LDB2: variants seen among roughly 807,000 people sequenced by gnomAD.
LDB2 encodes LIM domain binding 2.
Under a neutral mutation model 44.3 loss-of-function variants are expected in LDB2, and 12 were observed. That is an observed-to-expected ratio of 0.27 (90% CI 0.17 to 0.44). The LOEUF is 0.44. LDB2 is among the 20% of genes least tolerant of loss of function. The pLI is 1.00. For synonymous variants in LDB2, 164 were observed against 174.8 expected, an observed-to-expected ratio of 0.94 and a Z score of 0.49; for missense variants, 344 against 473.5, an observed-to-expected ratio of 0.73 and a Z score of 2.54.
intron 2 of LDB2, among the ~76,000 whole-genome samples, chr4:16,716,969 T>G (rs1757184219): frequency 6.6e-6 from 1 of 152,068 alleles, no homozygotes. Flanking sequence ...GGGATTTAAT[T>G]TAAAATTAAT....
intron 1 of LDB2, among the ~76,000 whole-genome samples, chr4:16,838,869 A>G (rs1028928451): frequency 6.6e-6 from 1 of 152,250 alleles, no homozygotes; most frequent in African/African-American, 2.4e-5. Flanking sequence ...AGGCATAGTC[A>G]TATCAGTGAC....
At chr4:16,566,369 A>G (rs1744523771) in intron 5 of LDB2, among the ~76,000 whole-genome samples, 1 of 152,180 alleles carries the variant, frequency 6.6e-6, no homozygotes, top group Non-Finnish European at 1.5e-5. Flanking sequence ...ATTGGAATAC[A>G]GAAATGGGCT....
intron 2 of LDB2, among the ~76,000 whole-genome samples, chr4:16,753,342 C>T (rs1311800222): frequency 6.6e-6 from 1 of 152,126 alleles, no homozygotes; most frequent in Non-Finnish European, 1.5e-5. Flanking sequence ...CTACTTGGGC[C>T]CCTTGCAGAA....
intron 2 of LDB2, among the ~76,000 whole-genome samples, chr4:16,644,669 A>C (rs1736191959): frequency 6.6e-6 from 1 of 152,180 alleles, no homozygotes. Flanking sequence ...ACCTCAAGTC[A>C]TCCACCTGCC....
At chr4:16,595,559 C>G in intron 3 of LDB2, 144 bp downstream of exon 3, 1 of 677,038 alleles carries the variant, frequency 1.5e-6, no homozygotes, top group Non-Finnish European at 2.5e-6. Context: ...AGCCATGTCA[C>G]AAACAAGAAA....
At chr4:16,642,188 T>A (rs566767438) in intron 2 of LDB2, among the ~76,000 whole-genome samples, 1 of 152,296 alleles carries the variant, frequency 6.6e-6, no homozygotes, top group African/African-American at 2.4e-5. Flanking sequence ...GGGAAATTCA[T>A]AGCAGTCCTA....
chr4:16,575,795 C>G, intron 5 of LDB2, among the ~76,000 whole-genome samples: 1 of 152,292 alleles, frequency 6.6e-6, no homozygotes, highest in Middle Eastern at 3.4e-3. Flanking sequence ...TGGAATGCAG[C>G]GGCACAATCT....
chr4:16,712,397 T>A (rs283034), intron 2 of LDB2, among the ~76,000 whole-genome samples: 1 of 151,580 alleles, frequency 6.6e-6, no homozygotes, highest in Non-Finnish European at 1.5e-5. Context: ...ACTAAAAATT[T>A]GAAAATTAGC....
chr4:16,504,847 G>A (rs1056327702), intron 7 of LDB2, among the ~76,000 whole-genome samples: 1 of 152,210 alleles, frequency 6.6e-6, no homozygotes, highest in African/African-American at 2.4e-5. Context: ...GTTGTACAGA[G>A]CATGACCTGA....
chr4:16,672,693 A>T (rs1745117150), intron 2 of LDB2, among the ~76,000 whole-genome samples: 2 of 151,822 alleles, frequency 1.3e-5, no homozygotes, highest in South Asian at 4.1e-4. Flanking sequence ...GGGCCTGCGG[A>T]TCTCTAATTA....
intron 1 of LDB2, among the ~76,000 whole-genome samples, chr4:16,894,850 G>A (rs1006226374): frequency 6.6e-6 from 1 of 152,004 alleles, no homozygotes; most frequent in Non-Finnish European, 1.5e-5. Context: ...TGCTTTAAGT[G>A]CTAGCTTTAA....
intron 1 of LDB2, among the ~76,000 whole-genome samples, chr4:16,840,865 A>G (rs73799301): frequency 0.012 from 1,887 of 152,302 alleles, 41 homozygotes; most frequent in African/African-American, 0.042. Flanking sequence ...TGCCTGCAGT[A>G]ACAGGGGTGA....
chr4:16,552,284 C>T (rs1317740238), intron 5 of LDB2, among the ~76,000 whole-genome samples: 2 of 152,090 alleles, frequency 1.3e-5, no homozygotes, highest in Non-Finnish European at 2.9e-5. Context: ...GGAGTGTGTA[C>T]AAAGCATTAA....
chr4:16,715,043 G>A (rs1449820194), intron 2 of LDB2, among the ~76,000 whole-genome samples: 1 of 152,180 alleles, frequency 6.6e-6, no homozygotes, highest in Non-Finnish European at 1.5e-5. Flanking sequence ...CTAATATTTA[G>A]TGAGATGTCA....
chr4:16,810,309 T>G (rs1478292673), intron 1 of LDB2, among the ~76,000 whole-genome samples: 1 of 152,182 alleles, frequency 6.6e-6, no homozygotes, highest in Non-Finnish European at 1.5e-5. Flanking sequence ...AAAATCATCC[T>G]ACCCACGGGG....
rs2152429805 is a variant in LDB2 at position 16,588,809 on chromosome 4, G to T, written c.432C>A (p.Ile144=). Reference sequence around the variant, plus strand: ...TGAGATCATCAAAGGTGAACTCCAAGATCAGTCTGCCTTCTGTACATACCT... The same window carrying T: ...TGAGATCATCAAAGGTGAACTCCAATATCAGTCTGCCTTCTGTACATACCT... ...FTKVCTEGRL[I]LEFTFDDLMR... The change falls in exon 4 of 8, where the codon ATC becomes ATA. Residue 144 remains isoleucine (I), a synonymous_variant. Coordinates refer to ENST00000304523, the MANE Select transcript of LDB2 (RefSeq NM_001290.5). 1 of 1,613,970 alleles carries T rather than the reference G, an allele frequency of 6.2e-7. No individual in the cohort carries two copies. The highest frequency in any genetic ancestry group is 8.5e-7 in the Non-Finnish European group (1 of 1,179,872).
intron 2 of LDB2, among the ~76,000 whole-genome samples, chr4:16,676,523 G>A (rs1307056140): frequency 6.6e-6 from 1 of 152,226 alleles, no homozygotes; most frequent in Admixed American, 6.5e-5. Context: ...AATGTCAAGT[G>A]CTGTGGGGAA....
intron 2 of LDB2, among the ~76,000 whole-genome samples, chr4:16,672,807 CTTG>C (rs1745165099): frequency 2.2e-5 from 3 of 136,104 alleles, no homozygotes; most frequent in Admixed American, 7.6e-5. Flanking sequence ...AGAAGAACTG[CTTG>C]CGTGCCTGCC....
intron 1 of LDB2, among the ~76,000 whole-genome samples, chr4:16,873,087 G>A (rs1055031854): frequency 6.6e-6 from 1 of 152,050 alleles, no homozygotes; most frequent in Non-Finnish European, 1.5e-5. Flanking sequence ...ATGGTGTATC[G>A]GGCATTTCCT....
Sources: gnomAD v4.1 joint callset for allele counts (sites outside exome capture counted in the v4.1 genomes callset) on GRCh38, gnomAD v4.1.1 for gene constraint, MANE v1.5 for transcripts, NCBI Gene and HGNC (gene_info 2026-07-23, HGNC 2026-07-21) for gene names.